The following GPR137C variants were observed in gnomAD, a reference collection of about 807,000 sequenced individuals.
GPR137C encodes integral membrane protein GPR137C.
A neutral mutation model predicts 43.4 loss-of-function variants in GPR137C; 27 were observed. The ratio of observed to expected loss-of-function variants is 0.62; its 90% confidence interval spans 0.46 to 0.86. GPR137C has a LOEUF of 0.86. Among genes scored for constraint, GPR137C ranks in the 40% least tolerant of loss-of-function variants. The pLI is 0.00. For missense variants in GPR137C, 522 were observed against 534.6 expected, an observed-to-expected ratio of 0.98 and a Z score of 0.23; for synonymous variants, 285 against 226.9, an observed-to-expected ratio of 1.26 and a Z score of -2.30.
intron 1 of GPR137C, among the ~76,000 whole-genome samples, chr14:52,569,845 T>G (rs2139456343): frequency 6.6e-6 from 1 of 151,746 alleles, no homozygotes; most frequent in East Asian, 1.9e-4. Flanking sequence ...AAGGGGAGAA[T>G]GAAAACACTC....
chr14:52,605,886 A>T (rs1049950519), intron 3 of GPR137C, among the ~76,000 whole-genome samples: 1 of 152,178 alleles, frequency 6.6e-6, no homozygotes, highest in African/African-American at 2.4e-5. Flanking sequence ...CATCCCTGGG[A>T]TGAATCAATT....
chr14:52,578,215 T>A (rs998830037), intron 1 of GPR137C, among the ~76,000 whole-genome samples: 1 of 152,222 alleles, frequency 6.6e-6, no homozygotes, highest in African/African-American at 2.4e-5. Flanking sequence ...CTTACTAACA[T>A]GTATTTTTTA....
intron 2 of GPR137C, among the ~76,000 whole-genome samples, chr14:52,599,466 C>T (rs1353886176): frequency 2.0e-5 from 3 of 147,142 alleles, no homozygotes. Context: ...TACAGTCTCG[C>T]AGTCTCACCC....
intron 1 of GPR137C, among the ~76,000 whole-genome samples, chr14:52,573,355 G>T (rs547973856): frequency 7.9e-5 from 12 of 152,302 alleles, no homozygotes; most frequent in Non-Finnish European, 1.6e-4. Flanking sequence ...AAACAGCATG[G>T]TACTTATACC....
At chr14:52,591,852 G>C (rs540632918) in intron 1 of GPR137C, among the ~76,000 whole-genome samples, 2 of 152,128 alleles carry the variant, frequency 1.3e-5, no homozygotes, top group East Asian at 3.9e-4. Context: ...GTATATTTTG[G>C]CTTTTGTTGC....
intron 2 of GPR137C, 92 bp from the exon 3 acceptor site, chr14:52,600,021 G>A: frequency 1.3e-6 from 1 of 794,332 alleles, no homozygotes; most frequent in Non-Finnish European, 2.0e-6. Context: ...CAAACTGAAG[G>A]AATTCTTGTA....
chr14:52,611,717 C>T lies in GPR137C; in HGVS notation c.717+11376C>T, dbSNP rs1352520887. 1.5e-5 allele frequency: 6 copies of T among 388,068 alleles called. No individual in the cohort carries two copies. In the Admixed American group the frequency reaches 3.9e-4, roughly 25 times the overall value. The allele number at this position is 388,068 out of a possible 1,614,324, so 24.0% of individuals were successfully genotyped here. A position where few individuals can be genotyped will look rare whatever the true frequency, so the allele number is the denominator to read the frequency against. ...GTACAAAGTAGTAATAACTCAAGGT[C>T]TAGAGTTATATTGCTGGATTTAAAT... On this transcript the variant is annotated intron_variant, in intron 3 of 6. Coordinates refer to ENST00000321662, the MANE Select transcript of GPR137C (RefSeq NM_001099652.2).
intron 1 of GPR137C, among the ~76,000 whole-genome samples, chr14:52,560,629 T>C (rs562091552): frequency 5.9e-5 from 9 of 152,306 alleles, no homozygotes; most frequent in South Asian, 2.1e-4. Context: ...CTGATTTTTT[T>C]CCCCAAAAGT....
At chr14:52,606,111 C>A (rs372237932) in intron 3 of GPR137C, among the ~76,000 whole-genome samples, 1 of 152,150 alleles carries the variant, frequency 6.6e-6, no homozygotes, top group Admixed American at 6.6e-5. Flanking sequence ...ATTGTTTGAG[C>A]AGAATTGGTA....
At chr14:52,633,706 G>A (rs1465191622) in intron 5 of GPR137C, 51 bp downstream of exon 5, 1 of 1,586,718 alleles carries the variant, frequency 6.3e-7, no homozygotes. Context: ...AAAAATTATG[G>A]AACATTTATA....
At chr14:52,587,293 A>G (rs975324230) in intron 1 of GPR137C, among the ~76,000 whole-genome samples, 1 of 152,222 alleles carries the variant, frequency 6.6e-6, no homozygotes, top group Admixed American at 6.5e-5. Flanking sequence ...CAAGGATAAA[A>G]AGAGTTTTCT....
intron 3 of GPR137C, among the ~76,000 whole-genome samples, chr14:52,617,449 C>T (rs1456366049): frequency 6.6e-6 from 1 of 152,098 alleles, no homozygotes; most frequent in Non-Finnish European, 1.5e-5. Context: ...GAGGCTGAGG[C>T]AGGTGGATCA....
At chr14:52,574,064 A>G (rs2038513235) in intron 1 of GPR137C, among the ~76,000 whole-genome samples, 1 of 152,200 alleles carries the variant, frequency 6.6e-6, no homozygotes, top group Non-Finnish European at 1.5e-5. Flanking sequence ...AAAAGTCAGG[A>G]AACAACAGAT....
intron 3 of GPR137C, among the ~76,000 whole-genome samples, chr14:52,606,081 C>G (rs924277243): frequency 6.6e-6 from 1 of 152,136 alleles, no homozygotes; most frequent in East Asian, 1.9e-4. Context: ...GAAATGTTCC[C>G]GCTCCTTCAA....
chr14:52,573,781 C>T (rs572728701), intron 1 of GPR137C, among the ~76,000 whole-genome samples: 62 of 152,278 alleles, frequency 4.1e-4, no homozygotes, highest in African/African-American at 1.4e-3. Context: ...TCAGAGTGAA[C>T]AGGCAACCTA....
At chr14:52,619,454 A>G (rs2039135227) in intron 3 of GPR137C, among the ~76,000 whole-genome samples, 1 of 152,058 alleles carries the variant, frequency 6.6e-6, no homozygotes, top group Non-Finnish European at 1.5e-5. Context: ...GATTTACTTT[A>G]TCCCTCTTAA....
chr14:52,631,323 ATAATTGCCCCT>A lies in GPR137C; in HGVS notation c.718-832_718-822del, dbSNP rs2039291553. ...CCCTGGACGTTGTGCACTAAATGCCATAATTGCCCCTTAATCATTGTGACAACCAAACACAA... is the reference window on the plus strand; with the variant it reads ...CCCTGGACGTTGTGCACTAAATGCCATAATCATTGTGACAACCAAACACAA... On this transcript the variant is annotated intron_variant, in intron 3 of 6. Coordinates refer to ENST00000321662, the MANE Select transcript of GPR137C (RefSeq NM_001099652.2). Among the ~76,000 whole-genome samples, 3 of 152,272 alleles carry A rather than the reference ATAATTGCCCCT, an allele frequency of 2.0e-5. No homozygotes were observed. The South Asian group carries it at 6.2e-4, about 32-fold the overall frequency.
At chr14:52,624,209 C>A (rs1594807536) in intron 3 of GPR137C, among the ~76,000 whole-genome samples, 3 of 141,612 alleles carry the variant, frequency 2.1e-5, no homozygotes, top group African/African-American at 5.2e-5. Flanking sequence ...CTAAATAACC[C>A]ATGGGTAAAA....
intron 1 of GPR137C, among the ~76,000 whole-genome samples, chr14:52,555,987 C>T (rs1304698071): frequency 6.6e-6 from 1 of 152,154 alleles, no homozygotes; most frequent in Admixed American, 6.5e-5. Context: ...AAGTATACTT[C>T]CCATTGATCA....
Sources: allele counts gnomAD v4.1 joint callset (sites outside exome capture counted in the v4.1 genomes callset), GRCh38; gene constraint gnomAD v4.1.1; transcripts MANE v1.5; gene names NCBI Gene and HGNC (gene_info 2026-07-23, HGNC 2026-07-21).